NRP1: variants seen among roughly 807,000 people sequenced by gnomAD.
NRP1 encodes the protein neuropilin-1.
NRP1 carries 35 observed loss-of-function variants against 106.7 expected under a neutral mutation model. The observed-to-expected ratio is 0.33, with a 90% CI of 0.25 to 0.43. The LOEUF (loss-of-function observed/expected upper bound fraction) is 0.43. Among genes scored for constraint, NRP1 ranks in the 20% least tolerant of loss-of-function variants. NRP1 has a pLI of 1.00. For synonymous variants in NRP1, 437 were observed against 417.9 expected, an observed-to-expected ratio of 1.05 and a Z score of -0.56; for missense variants, 1,024 against 1,170.4, an observed-to-expected ratio of 0.87 and a Z score of 1.83.
At chr10:33,206,798 C>A (rs1837821841) in intron 10 of NRP1, among the ~76,000 whole-genome samples, 1 of 152,120 alleles carries the variant, frequency 6.6e-6, no homozygotes, top group African/African-American at 2.4e-5. Context: ...TTAAACGGTA[C>A]AATAACCCAC....
chr10:33,254,982 A>G (rs1842103478), intron 5 of NRP1, among the ~76,000 whole-genome samples: 1 of 152,158 alleles, frequency 6.6e-6, no homozygotes, highest in African/African-American at 2.4e-5. Context: ...ATATTCTCTT[A>G]GGCCTAACAT....
At chr10:33,232,638 C>CTTTTTTTTTTTTTTTTT in intron 6 of NRP1, among the ~76,000 whole-genome samples, 1 of 94,208 alleles carries the variant, frequency 1.1e-5, no homozygotes, top group Non-Finnish European at 2.0e-5. Context: ...TTTTCTTTTC[C>CTTTTTTTTTTTTTTTTT]TTTTTTTTTT....
At chr10:33,322,825 A>T (rs1440812838) in intron 2 of NRP1, among the ~76,000 whole-genome samples, 1 of 152,242 alleles carries the variant, frequency 6.6e-6, no homozygotes, top group Non-Finnish European at 1.5e-5. Context: ...TTTCCTGAGA[A>T]CTTGTTAATA....
At chr10:33,226,416 G>T in intron 6 of NRP1, 127 bp from the exon 7 acceptor site, 1 of 910,928 alleles carries the variant, frequency 1.1e-6, no homozygotes, top group Non-Finnish European at 1.6e-6. Flanking sequence ...CATTCCATCG[G>T]GTGTCCACAG....
At chr10:33,320,832 C>T (rs1033863009) in intron 2 of NRP1, among the ~76,000 whole-genome samples, 3 of 152,126 alleles carry the variant, frequency 2.0e-5, no homozygotes, top group East Asian at 1.9e-4. Context: ...GCCACCCAAA[C>T]GAGAGATGAA....
chr10:33,227,484 A>C (rs1040927490), intron 6 of NRP1, among the ~76,000 whole-genome samples: 10 of 152,144 alleles, frequency 6.6e-5, no homozygotes, highest in African/African-American at 2.4e-4. Flanking sequence ...TTCCCTCCCC[A>C]CATCTTCCTG....
At chr10:33,260,289 G>A (rs1842485420) in intron 4 of NRP1, among the ~76,000 whole-genome samples, 1 of 151,980 alleles carries the variant, frequency 6.6e-6, no homozygotes, top group African/African-American at 2.4e-5. Flanking sequence ...AGAATATCTG[G>A]AATACCAAAA....
Position 33,316,923 on chromosome 10 carries a change from G to A in NRP1, c.248+13785C>T, listed in dbSNP as rs182467136. Among the ~76,000 whole-genome samples the A allele has an allele frequency of 4.8e-4, 73 of 152,344 alleles. No individual in the cohort carries two copies. The East Asian group carries it at 0.01, about 21-fold the overall frequency. On this transcript the variant is annotated intron_variant, in intron 2 of 16. Transcript: ENST00000374867. Reference sequence around the variant, plus strand: ...AAGTAAGAAAGTGGAGTTCTGAACTGCAGTCACCACTTTCAATACCTTGAC... The same window carrying A: ...AAGTAAGAAAGTGGAGTTCTGAACTACAGTCACCACTTTCAATACCTTGAC...
intron 2 of NRP1, among the ~76,000 whole-genome samples, chr10:33,307,959 T>G (rs1215517197): frequency 1.3e-5 from 2 of 152,058 alleles, no homozygotes; most frequent in Non-Finnish European, 2.9e-5. Context: ...ATACATGGAA[T>G]CAATCTACAA....
At chr10:33,290,000 T>G (rs1253142842) in intron 2 of NRP1, among the ~76,000 whole-genome samples, 2 of 152,212 alleles carry the variant, frequency 1.3e-5, no homozygotes, top group African/African-American at 4.8e-5. Context: ...AGGAGCATTG[T>G]GCGCCCTGCT....
At chr10:33,277,126 GA>G (rs1033238615) in intron 2 of NRP1, among the ~76,000 whole-genome samples, 67 of 147,728 alleles carry the variant, frequency 4.5e-4, no homozygotes, top group Middle Eastern at 3.6e-3. Context: ...AAAAAAAAAA[GA>G]AAAAAAATTG....
intron 2 of NRP1, among the ~76,000 whole-genome samples, chr10:33,283,905 T>G (rs1844323158): frequency 6.6e-6 from 1 of 152,162 alleles, no homozygotes; most frequent in South Asian, 2.1e-4. Flanking sequence ...GTTGAACACA[T>G]TTCAAACTAA....
chr10:33,195,396 C>T (rs1267652538), intron 12 of NRP1: 3 of 408,002 alleles, frequency 7.4e-6, no homozygotes, highest in African/African-American at 4.2e-5. Flanking sequence ...AGCTTTTATG[C>T]ATCTGATTAC....
rs1398406505 is a variant in NRP1, at chr10:33,269,767, C to T, written c.430+908G>A. On this transcript the variant is annotated intron_variant, in intron 3 of 16. Transcript: ENST00000374867. Reference sequence around the variant, plus strand: ...CAGCAGCACTAGATTCTCATAGGAGCGCAAACCCTATTGTGAACTGTGTGT... The same window carrying T: ...CAGCAGCACTAGATTCTCATAGGAGTGCAAACCCTATTGTGAACTGTGTGT... Among the ~76,000 whole-genome samples the T allele has an allele frequency of 3.3e-5, 5 of 152,208 alleles. No individual in the cohort carries two copies. In the East Asian group the frequency reaches 7.7e-4, roughly 24 times the overall value.
intron 11 of NRP1, 68 bp downstream of exon 11, chr10:33,202,823 C>A (rs753606640): frequency 6.8e-6 from 11 of 1,613,626 alleles, no homozygotes. Flanking sequence ...CACACACAGG[C>A]GTTAGCTGGT....
At chr10:33,205,014 G>A (rs1837652756) in intron 10 of NRP1, among the ~76,000 whole-genome samples, 1 of 152,224 alleles carries the variant, frequency 6.6e-6, no homozygotes. Context: ...TTACAGGCAT[G>A]AGCCACCACA....
intron 3 of NRP1, among the ~76,000 whole-genome samples, chr10:33,265,894 C>A (rs949667264): frequency 1.3e-5 from 2 of 152,134 alleles, no homozygotes; most frequent in African/African-American, 4.8e-5. Flanking sequence ...TCTGAGATGA[C>A]AGCGACTATG....
rs1835550696 is a variant in NRP1, at chr10:33,179,582, C to T, written c.*494G>A. The stretch of plus-strand genomic sequence containing the variant: ...AAGAAAACAGCCTAATCCTTCTTTG[C>T]CTATGCACGACGCGGGCAATTATAC... On this transcript the variant is annotated 3_prime_UTR_variant, in exon 17 of 17. Coordinates refer to ENST00000374867, the MANE Select transcript of NRP1 (RefSeq NM_003873.7). 6.2e-6 allele frequency: 1 copy of T among 160,036 alleles called. No individual in the cohort carries two copies. Among genetic ancestry groups the T allele is most frequent in the Non-Finnish European group, 1.4e-5 (1 of 72,606 alleles). 9.9% of individuals were successfully genotyped at this position (160,036 alleles called of 1,614,324 possible).
intron 2 of NRP1, among the ~76,000 whole-genome samples, chr10:33,330,387 C>G (rs187236003): frequency 6.7e-6 from 1 of 150,198 alleles, no homozygotes; most frequent in Non-Finnish European, 1.5e-5. Context: ...AGTTCTTCCC[C>G]TCTCCAGGAA....
Sources: allele counts gnomAD v4.1 joint callset (sites outside exome capture counted in the v4.1 genomes callset), GRCh38; gene constraint gnomAD v4.1.1; transcripts MANE v1.5; gene names NCBI Gene and HGNC (gene_info 2026-07-23, HGNC 2026-07-21).